Variants in TEX9 observed in about 807,000 individuals in gnomAD.
The protein encoded by TEX9 is testis expressed 9.
In TEX9, 74 loss-of-function variants were observed where a neutral mutation model predicts 59.6. The ratio of observed to expected loss-of-function variants is 1.24; its 90% CI spans 1.03 to 1.51. TEX9 has a LOEUF of 1.51. Ranked by LOEUF, TEX9 falls within the 40% of genes most tolerant of loss-of-function variation. The probability of loss-of-function intolerance (pLI) is 0.00; values close to 1 mark genes in which losing one functional copy is unlikely to be tolerated. For synonymous variants in TEX9, 186 were observed against 152.2 expected, an observed-to-expected ratio of 1.22 and a Z score of -1.64; for missense variants, 522 against 447.8, an observed-to-expected ratio of 1.17 and a Z score of -1.49.
At chr15:56,413,121 G>T (rs1262965220) in intron 10 of TEX9, among the ~76,000 whole-genome samples, 3 of 99,682 alleles carry the variant, frequency 3.0e-5, no homozygotes, top group Non-Finnish European at 5.1e-5. Context: ...TTACTTTTTG[G>T]TTCTGTATTG....
At chr15:56,256,151 C>T (rs1235142194) in intron 1 of TEX9, among the ~76,000 whole-genome samples, 1 of 151,774 alleles carries the variant, frequency 6.6e-6, no homozygotes, top group East Asian at 1.9e-4. Context: ...GTTATACAAC[C>T]AGCATTATGC....
At chr15:56,424,756 T>C (rs1424604078) in intron 10 of TEX9, among the ~76,000 whole-genome samples, 1 of 152,128 alleles carries the variant, frequency 6.6e-6, no homozygotes, top group East Asian at 1.9e-4. Flanking sequence ...TCGAAAAGAA[T>C]GAAAAGTGAA....
chr15:56,306,576 A>G (rs1162372374), intron 1 of TEX9, among the ~76,000 whole-genome samples: 3 of 152,196 alleles, frequency 2.0e-5, no homozygotes, highest in African/African-American at 4.8e-5. Flanking sequence ...ACTCATGGAT[A>G]TAGAGTAGAA....
At chr15:56,292,075 T>C (rs2045107205) in intron 1 of TEX9, among the ~76,000 whole-genome samples, 2 of 152,338 alleles carry the variant, frequency 1.3e-5, no homozygotes, top group Middle Eastern at 3.4e-3. Flanking sequence ...GCTGTATACA[T>C]CTCAAAGTGA....
At chr15:56,432,830 A>G (rs2050633436) in intron 12 of TEX9, among the ~76,000 whole-genome samples, 1 of 152,156 alleles carries the variant, frequency 6.6e-6, no homozygotes, top group South Asian at 2.1e-4. Flanking sequence ...AAACATCTGC[A>G]TTATTTTGAC....
chr15:56,261,861 G>A (rs984868079), intron 1 of TEX9, among the ~76,000 whole-genome samples: 7 of 152,132 alleles, frequency 4.6e-5, no homozygotes, highest in African/African-American at 1.7e-4. Context: ...CAAGGAATAT[G>A]CCACCCAGGC....
intron 1 of TEX9, among the ~76,000 whole-genome samples, chr15:56,327,134 A>C (rs2046035501): frequency 6.6e-6 from 1 of 152,250 alleles, no homozygotes; most frequent in South Asian, 2.1e-4. Context: ...AATTATTCCT[A>C]AAGAAAAATC....
chr15:56,403,132 C>A (rs2048884523), intron 9 of TEX9, among the ~76,000 whole-genome samples: 1 of 152,202 alleles, frequency 6.6e-6, no homozygotes, highest in Non-Finnish European at 1.5e-5. Flanking sequence ...AAGTTCTGGC[C>A]AGGGCCATCA....
chr15:56,361,588 T>TTAAA (rs1454356769), upstream of TEX9, among the ~76,000 whole-genome samples: 2 of 152,150 alleles, frequency 1.3e-5, no homozygotes, highest in Non-Finnish European at 2.9e-5. Flanking sequence ...CGGTTATAGG[T>TTAAA]TAAAGTGTGC....
At chr15:56,387,228 A>T (rs1277901568) in intron 4 of TEX9, among the ~76,000 whole-genome samples, 1 of 151,974 alleles carries the variant, frequency 6.6e-6, no homozygotes, top group Non-Finnish European at 1.5e-5. Context: ...AATCTGATGG[A>T]GACAGATAAC....
At chr15:56,453,378 TTTTTGTTTCTCAGAAAATGTTA>T in the TEX9 span, among the ~76,000 whole-genome samples, 1 of 152,164 alleles carries the variant, frequency 6.6e-6, no homozygotes, top group Non-Finnish European at 1.5e-5. Context: ...CAATCTTCTG[TTTTTGTTTCTCAGAAAATGTTA>T]TTTTGTGCTC....
chr15:56,319,057 A>G (rs903063622), intron 1 of TEX9, among the ~76,000 whole-genome samples: 1 of 152,094 alleles, frequency 6.6e-6, no homozygotes, highest in Non-Finnish European at 1.5e-5. Flanking sequence ...TGCTTAAAGT[A>G]GTATTTAAAA....
At chr15:56,434,208 T>G in intron 12 of TEX9, 1 of 1,613,934 alleles carries the variant, frequency 6.2e-7, no homozygotes, top group Non-Finnish European at 8.5e-7. Context: ...TTCCAGCTGC[T>G]TCATTCTTTG....
At chr15:56,445,639 CACTT>C (rs1412386539) in intron 12 of TEX9, 5 of 151,634 alleles carry the variant, frequency 3.3e-5, no homozygotes, top group Admixed American at 3.3e-4. Flanking sequence ...GATTACCACA[CACTT>C]ACCGAAAACA....
chr15:56,418,539 T>C, intron 10 of TEX9, among the ~76,000 whole-genome samples: 1 of 151,262 alleles, frequency 6.6e-6, no homozygotes, highest in Non-Finnish European at 1.5e-5. Context: ...TAGTCCCAGC[T>C]ACTTGGGAGG....
intron 3 of TEX9, among the ~76,000 whole-genome samples, chr15:56,376,763 C>G (rs546390035): frequency 6.6e-6 from 1 of 152,050 alleles, no homozygotes; most frequent in East Asian, 1.9e-4. Context: ...TTATGTGATC[C>G]CATTTGTCCA....
chr15:56,388,693 C>A, intron 5 of TEX9, among the ~76,000 whole-genome samples, 173 bp downstream of exon 5: 1 of 151,872 alleles, frequency 6.6e-6, no homozygotes. Flanking sequence ...AAATGGAATC[C>A]TTTGTTGTCT....
rs1380726014 is a variant in TEX9, at chr15:56,412,456, C to G, written c.963+20C>G. On this transcript the variant is annotated intron_variant, in intron 10 of 12. Coordinates refer to ENST00000352903, the Ensembl canonical transcript of TEX9. The stretch of plus-strand genomic sequence containing the variant: ...AACAAGGTATGGAAAAATTGAATAG[C>G]TTTTGTAGTGATCCCTTTTGGTAAC... The G allele has an allele frequency of 6.3e-7, 1 of 1,587,922 alleles. No individual in the cohort carries two copies. Among genetic ancestry groups the G allele is most frequent in the Non-Finnish European group, 8.5e-7 (1 of 1,172,416 alleles).
intron 2 of TEX9, 114 bp downstream of exon 2, chr15:56,365,784 T>G (rs2046915604): frequency 1.0e-5 from 15 of 1,486,838 alleles, no homozygotes; most frequent in East Asian, 4.9e-5. Context: ...CTCTGCAGCA[T>G]TCCCTTCTCG....
Sources: gnomAD v4.1 joint callset for allele counts (sites outside exome capture counted in the v4.1 genomes callset) on GRCh38, gnomAD v4.1.1 for gene constraint, MANE v1.5 for transcripts, NCBI Gene and HGNC (gene_info 2026-07-23, HGNC 2026-07-21) for gene names.